Variants in DHX33 observed in about 807,000 individuals in gnomAD.
DHX33 encodes the protein DEAH-box helicase 33, also known as ATP-dependent RNA helicase DHX33.
A neutral mutation model predicts 72.5 loss-of-function variants in DHX33; 42 were observed. The ratio of observed to expected loss-of-function variants is 0.58; its 90% CI spans 0.45 to 0.75. The LOEUF is 0.75. DHX33 is among the 30% of genes least tolerant of loss of function. DHX33 has a pLI of 0.00. For synonymous variants in DHX33, 358 were observed against 366.1 expected, an observed-to-expected ratio of 0.98 and a Z score of 0.25; for missense variants, 842 against 917.5, an observed-to-expected ratio of 0.92 and a Z score of 1.06.
chr17:5,454,578 G>A (rs1917107795), intron 6 of DHX33, among the ~76,000 whole-genome samples: 1 of 152,206 alleles, frequency 6.6e-6, no homozygotes, highest in South Asian at 2.1e-4. Context: ...AGATACACCT[G>A]TGGAAGCCAG....
chr17:5,447,457 T>C (rs1916700822), intron 11 of DHX33, among the ~76,000 whole-genome samples: 1 of 152,124 alleles, frequency 6.6e-6, no homozygotes, highest in Admixed American at 6.6e-5. Flanking sequence ...ACCTCGTCTC[T>C]ACTAAAAATA....
Position 5,444,002 on chromosome 17 carries a change from G to T in DHX33, c.*203C>A. 1 of 540,404 alleles carries T rather than the reference G, an allele frequency of 1.9e-6. No individual in the cohort carries two copies. The highest frequency in any genetic ancestry group is 3.1e-6 in the Non-Finnish European group (1 of 319,308). 33.5% of individuals were successfully genotyped at this position (540,404 alleles called of 1,614,324 possible). ...CAGTAAGAACCAAAAGCATAATTTT[G>T]AGGTTTCCAGGTACAAATGATATGT... On this transcript the variant is annotated 3_prime_UTR_variant, in exon 12 of 12. Transcript: ENST00000225296. The surrounding 1 kb of genome is among the most constrained non-coding windows in gnomAD (Gnocchi z 4.9).
chr17:5,450,144 G>C (rs1162137456), intron 10 of DHX33, 59 bp downstream of exon 10: 3 of 1,591,458 alleles, frequency 1.9e-6, no homozygotes, highest in Admixed American at 1.7e-5. Context: ...TAGAAAAAGG[G>C]AAGCACATAG....
At chr17:5,455,037 G>C (rs1917127173) in intron 6 of DHX33, 123 bp downstream of exon 6, 2 of 854,136 alleles carry the variant, frequency 2.3e-6, no homozygotes, top group East Asian at 4.9e-5. Flanking sequence ...TCTCACTCAT[G>C]GCGCCTGCCA....
intron 4 of DHX33, among the ~76,000 whole-genome samples, chr17:5,458,529 A>C (rs149553581): frequency 2.6e-5 from 4 of 152,206 alleles, no homozygotes; most frequent in African/African-American, 9.6e-5. Context: ...GGGAGGACTG[A>C]TTGAGCCCGG....
Position 5,443,995 on chromosome 17 carries a change from T to A in DHX33, c.*210A>T, listed in dbSNP as rs1464268854. The A allele has an allele frequency of 5.7e-6, 3 of 524,590 alleles. No homozygotes were observed. In the East Asian group the frequency reaches 9.3e-5, roughly 16 times the overall value. 32.5% of individuals were successfully genotyped at this position (524,590 alleles called of 1,614,324 possible). ...AGTCACCCAGTAAGAACCAAAAGCA[T>A]AATTTTGAGGTTTCCAGGTACAAAT... On this transcript the variant is annotated 3_prime_UTR_variant, in exon 12 of 12. Transcript: ENST00000225296.
intron 6 of DHX33, 33 bp from the exon 7 acceptor site, chr17:5,454,013 T>G (rs779985103): frequency 2.2e-5 from 35 of 1,606,356 alleles, no homozygotes; most frequent in Non-Finnish European, 2.9e-5. Flanking sequence ...TAGTGCTTCA[T>G]CACATGAACA....
Position 5,441,522 on chromosome 17 carries a change from A to G in DHX33, c.*2683T>C, listed in dbSNP as rs1916436338. 6.6e-6 allele frequency: 1 copy of G among 152,200 alleles called. No individual in the cohort carries two copies. Among genetic ancestry groups the G allele is most frequent in the South Asian group, 2.1e-4 (1 of 4,836 alleles). 9.4% of individuals were successfully genotyped at this position (152,200 alleles called of 1,614,324 possible). ...ACCAATGGAAAGAGAGTAGCTGAAG[A>G]TTATATTGCAATGTTATTGTGAAAC... On this transcript the variant is annotated 3_prime_UTR_variant, in exon 12 of 12. Coordinates refer to ENST00000225296, the MANE Select transcript of DHX33 (RefSeq NM_020162.4).
At chr17:5,450,132 A>G in intron 10 of DHX33, 71 bp downstream of exon 10, 1 of 1,565,782 alleles carries the variant, frequency 6.4e-7, no homozygotes, top group Non-Finnish European at 8.8e-7. Context: ...GCACGGCTTC[A>G]GTAGAAAAAG....
chr17:5,456,875 C>T (rs141100033), intron 4 of DHX33, among the ~76,000 whole-genome samples: 1,559 of 152,238 alleles, frequency 0.01, 6 homozygotes, highest in Non-Finnish European at 0.016. Context: ...ATGACGCCGT[C>T]GAAAGCGCTT....
intron 6 of DHX33, among the ~76,000 whole-genome samples, chr17:5,454,817 C>CAT (rs1416809013): frequency 1.3e-5 from 2 of 152,096 alleles, no homozygotes; most frequent in South Asian, 2.1e-4. Context: ...TCAAACCAGC[C>CAT]ATATATATAT....
chr17:5,441,408 T>C lies in DHX33; in HGVS notation c.*2797A>G, dbSNP rs1916431872. 1 of 152,180 alleles carries C rather than the reference T, an allele frequency of 6.6e-6. No homozygotes were observed. Among genetic ancestry groups the C allele is most frequent in the African/African-American group, 2.4e-5 (1 of 41,436 alleles). 9.4% of individuals were successfully genotyped at this position (152,180 alleles called of 1,614,324 possible). A position where few individuals can be genotyped will look rare whatever the true frequency, so the allele number is the denominator to read the frequency against. ...ATGCAATCTGCTTGGAGTGCATCTA[T>C]TTACATGAAGCTGCTCACGGGAGCT... On this transcript the variant is annotated 3_prime_UTR_variant, in exon 12 of 12. Transcript: ENST00000225296.
At chr17:5,453,743 G>C in intron 7 of DHX33, 75 bp from the exon 8 acceptor site, 1 of 1,611,876 alleles carries the variant, frequency 6.2e-7, no homozygotes, top group Non-Finnish European at 8.5e-7. Flanking sequence ...GGTGGAGTGT[G>C]AGTAAAAACT....
rs1320713774 is a variant in DHX33, at chr17:5,444,056, T to C, written c.*149A>G. On this transcript the variant is annotated 3_prime_UTR_variant, in exon 12 of 12. Transcript: ENST00000225296. This position sits in a 1 kb window ranked among gnomAD's most constrained non-coding sequence, Gnocchi z 4.9. ...TGTCTATATGGTTCAGTCCCAGGAG[T>C]TGAGCAAAGATGCTTTCACGCTCCT... 9.4e-6 allele frequency: 8 copies of C among 848,496 alleles called. No homozygotes were observed. Among genetic ancestry groups the C allele is most frequent in the Non-Finnish European group, 1.4e-5 (8 of 559,248 alleles). The allele number at this position is 848,496 out of a possible 1,614,324, so 52.6% of individuals were successfully genotyped here.
intron 10 of DHX33, 76 bp downstream of exon 10, chr17:5,450,127 G>C: frequency 1.3e-6 from 2 of 1,554,750 alleles, no homozygotes; most frequent in South Asian, 2.3e-5. Context: ...TTTTTGCACG[G>C]CTTCAGTAGA....
chr17:5,465,414 T>TA (rs1336465398), intron 1 of DHX33, among the ~76,000 whole-genome samples: 3 of 152,258 alleles, frequency 2.0e-5, no homozygotes, highest in African/African-American at 7.2e-5. Flanking sequence ...TTCATGCTCC[T>TA]ATACCAGGGC....
chr17:5,444,231 T>G lies in DHX33; in HGVS notation c.2098A>C (p.Arg700=). 1 of 1,614,104 alleles carries G rather than the reference T, an allele frequency of 6.2e-7. No homozygotes were observed. Among genetic ancestry groups the G allele is most frequent in the Non-Finnish European group, 8.5e-7 (1 of 1,179,982 alleles). Residue 700 remains arginine, a synonymous_variant, in exon 12 of 12, where the codon AGG becomes CGG. Transcript: ENST00000225296. This position sits in a 1 kb window ranked among gnomAD's most constrained non-coding sequence, Gnocchi z 4.9. ...CAGTTTCTGGCGGTTCTCAGCTTCC[T>G]CCTAAAGTACTCAGGGGCAGCCTCG... ...LYEAAPEYFR[R]KLRTARN is the part of the protein sequence containing the mutation.
intron 1 of DHX33, among the ~76,000 whole-genome samples, chr17:5,467,296 C>CAACT (rs1904913793): frequency 6.6e-6 from 1 of 152,176 alleles, no homozygotes. Flanking sequence ...TACCCAAAAA[C>CAACT]ATCTACAGAC....
At chr17:5,454,656 T>A (rs1917110624) in intron 6 of DHX33, among the ~76,000 whole-genome samples, 1 of 152,146 alleles carries the variant, frequency 6.6e-6, no homozygotes, top group Non-Finnish European at 1.5e-5. Context: ...TGGTCTCAAA[T>A]CCTCTGTGGA....
Sources: gnomAD v4.1 joint callset for allele counts (sites outside exome capture counted in the v4.1 genomes callset) on GRCh38, gnomAD v4.1.1 for gene constraint, Gnocchi (gnomAD v3.1) non-coding constraint, MANE v1.5 for transcripts, NCBI Gene and HGNC (gene_info 2026-07-23, HGNC 2026-07-21) for gene names.